POLG: variants seen among roughly 807,000 people sequenced by gnomAD.
The protein encoded by POLG is DNA polymerase gamma, catalytic subunit.
A neutral mutation model predicts 155.4 loss-of-function variants in POLG; 110 were observed. The observed-to-expected ratio is 0.71, with a 90% CI of 0.61 to 0.83. The LOEUF (loss-of-function observed/expected upper bound fraction) is 0.83. POLG is among the 40% of genes least tolerant of loss of function. The probability of loss-of-function intolerance (pLI) is 0.00; values close to 1 mark genes in which losing one functional copy is unlikely to be tolerated. For missense variants in POLG, 1,685 were observed against 1,627.5 expected (o/e 1.04, Z -0.61); for synonymous variants, 701 against 631.5 (o/e 1.11, Z -1.65).
At chr15:89,326,192 T>C (rs943812718) in intron 9 of POLG, among the ~76,000 whole-genome samples, 1 of 152,190 alleles carries the variant, frequency 6.6e-6, no homozygotes, top group African/African-American at 2.4e-5. Flanking sequence ...TTCTCATCTC[T>C]GCCACCCTAT....
intron 3 of POLG, 146 bp from the exon 4 acceptor site, chr15:89,329,256 A>G: frequency 2.9e-6 from 2 of 694,314 alleles, no homozygotes; most frequent in South Asian, 3.3e-5. Flanking sequence ...TCAACACCAA[A>G]TACAGAATCC....
At chr15:89,326,484 CTG>C in intron 9 of POLG, 126 bp downstream of exon 9, 1 of 1,042,754 alleles carries the variant, frequency 9.6e-7, no homozygotes, top group Non-Finnish European at 1.4e-6. Context: ...GACAGTGTGA[CTG>C]AATGGCAGCA....
intron 4 of POLG, 55 bp from the exon 5 acceptor site, chr15:89,328,886 G>A (rs2055558155): frequency 6.2e-7 from 1 of 1,613,890 alleles, no homozygotes; most frequent in Non-Finnish European, 8.5e-7. Context: ...GGCCAGACGG[G>A]CTGGTGAGAG....
rs1200876555 is a variant in POLG, at chr15:89,334,792, C to G, written c.-279G>C. ...AGCGTGTGGCCTCCACCCGGCCGGT[C>G]CGCTTCGCTGGCAGCCGCAACTTCC... is the stretch of plus-strand genomic sequence containing the variant. On this transcript the variant is annotated 5_prime_UTR_variant, in exon 1 of 23. Transcript: ENST00000268124. 1 of 152,342 alleles carries G rather than the reference C, an allele frequency of 6.6e-6. No homozygotes were observed. 9.4% of individuals were successfully genotyped at this position (152,342 alleles called of 1,614,324 possible).
intron 18 of POLG, among the ~76,000 whole-genome samples, chr15:89,320,150 C>G (rs924517340): frequency 6.6e-6 from 1 of 152,154 alleles, no homozygotes; most frequent in Non-Finnish European, 1.5e-5. Flanking sequence ...TAGTTGTTGA[C>G]GAGAAAGTGA....
In POLG at chr15:89,325,147, T is replaced by A. The variant is rs201797552; in HGVS notation, c.1949+303A>T. Among the ~76,000 whole-genome samples, 55 of 20,610 alleles carry A rather than the reference T, an allele frequency of 2.7e-3. 1 individual carries two copies. Among genetic ancestry groups the A allele is most frequent in the South Asian group, 6.7e-3 (3 of 450 alleles). 13.5% of individuals were successfully genotyped at this position (20,610 alleles called of 152,430 possible). A position where few individuals can be genotyped will look rare whatever the true frequency, so the allele number is the denominator to read the frequency against. ...GTGAGTGAGAGAGTGAGTGAGAGAG[T>A]GAGTGAGTGAGTGAGTGAGTGAGAG... On this transcript the variant is annotated intron_variant, in intron 10 of 22. Transcript: ENST00000268124.
At chr15:89,325,155 T>TGAGTGAGA (rs2055478865) in intron 10 of POLG, among the ~76,000 whole-genome samples, 2 of 43,934 alleles carry the variant, frequency 4.6e-5, no homozygotes, top group East Asian at 5.7e-4. Flanking sequence ...AGTGAGTGAG[T>TGAGTGAGA]GAGTGAGTGA....
intron 10 of POLG, among the ~76,000 whole-genome samples, 187 bp downstream of exon 10, chr15:89,325,251 AGAGAGAGTGAGT>A (rs1252585172): frequency 1.3e-5 from 1 of 79,672 alleles, no homozygotes; most frequent in African/African-American, 1.1e-4. Context: ...AGTGAGTGAG[AGAGAGAGTGAGT>A]GAGTGAGTGA....
At chr15:89,317,611 C>A in intron 21 of POLG, 75 bp from the exon 22 acceptor site, 1 of 1,429,756 alleles carries the variant, frequency 7.0e-7, no homozygotes, top group South Asian at 1.1e-5. Context: ...AGCAATGACC[C>A]CACACCCCTT....
intron 9 of POLG, among the ~76,000 whole-genome samples, chr15:89,326,315 GCTC>G (rs1169439886): frequency 6.6e-6 from 1 of 152,196 alleles, no homozygotes; most frequent in Admixed American, 6.5e-5. Context: ...TACGTGCCTG[GCTC>G]CTCCTAGGAA....
Position 89,321,320 on chromosome 15 carries a change from T to C in POLG, c.2599-60A>G. ...TCCTACCCCATTCCTGGAGCCAGAGTTGACTGAGAAAGAGCTAGAGCCTTT... is the reference window on the plus strand; with the variant it reads ...TCCTACCCCATTCCTGGAGCCAGAGCTGACTGAGAAAGAGCTAGAGCCTTT... On this transcript the variant is annotated intron_variant, in intron 16 of 22. Transcript: ENST00000268124. The C allele has an allele frequency of 3.1e-6, 5 of 1,592,998 alleles. No homozygotes were observed. In the South Asian group the frequency reaches 5.6e-5, roughly 18 times the overall value.
rs759840237 is a variant in POLG, at chr15:89,325,601, G to C, written c.1798C>G (p.Pro600Ala). ...TCCCAGGTAAGTGCCATGAGTTTAG[G>C]TGTGACCCGCATCTGCAGGCTGAGG... ...SLLSLQMRVT[P>A]KLMALTWDGF... Residue 600 changes from proline to alanine, a missense_variant, in exon 10 of 23, where the codon CCT (proline) becomes GCT (alanine). Pro to Ala is a conservative substitution (Grantham distance 27, BLOSUM62 -1). This residue lies in a region of POLG where 1,210 missense variants were observed against 1,167.1 expected (regional missense o/e 1.04). Transcript: ENST00000268124. 1 of 1,613,804 alleles carries C rather than the reference G, an allele frequency of 6.2e-7. No homozygotes were observed. Among genetic ancestry groups the C allele is most frequent in the Non-Finnish European group, 8.5e-7 (1 of 1,180,008 alleles).
chr15:89,333,596 T>C lies in POLG; in HGVS notation c.159A>G (p.Gln53=), dbSNP rs587781118. 4.2e-5 allele frequency: 67 copies of C among 1,597,996 alleles called. No individual in the cohort carries two copies. Among genetic ancestry groups the C allele is most frequent in the Admixed American group, 1.2e-4 (7 of 59,142 alleles). The stretch of plus-strand genomic sequence containing the variant: ...GCACTTGCGGCTGCTGAGGCTGCTG[T>C]TGCTGCTGCTGCTGCTGCTGCTGCT... ...QQQQQQQQQQ[Q]QQPQQPQVLS... The change falls in exon 2 of 23, where the codon CAA becomes CAG. Residue 53 remains glutamine, a synonymous_variant. Coordinates refer to ENST00000268124, the MANE Select transcript of POLG (RefSeq NM_002693.3).
At chr15:89,323,663 G>A in intron 12 of POLG, 152 bp from the exon 13 acceptor site, 1 of 819,372 alleles carries the variant, frequency 1.2e-6, no homozygotes, top group Non-Finnish European at 2.1e-6. Context: ...CTTTCTCCTT[G>A]CTCCAACACG....
At chr15:89,322,719 G>GGA (rs1329385089) in intron 14 of POLG, 23 bp downstream of exon 14, 1 of 1,611,878 alleles carries the variant, frequency 6.2e-7, no homozygotes, top group African/African-American at 1.3e-5. Context: ...AGGCATCCCA[G>GGA]GACTCCTCCC....
In POLG at chr15:89,321,760, T is replaced by C. The variant is rs773617892; in HGVS notation, c.2574A>G (p.Thr858=). 5 of 1,613,712 alleles carry C rather than the reference T, an allele frequency of 3.1e-6. No individual in the cohort carries two copies. Among genetic ancestry groups the C allele is most frequent in the Non-Finnish European group, 4.2e-6 (5 of 1,179,682 alleles). The part of the protein sequence containing the change: ...GTITRRAVEP[T]WLTASNARPD... ...CCCGGGCATTGCTGGCGGTGAGCCA[T>C]GTGGGCTCCACAGCCCGGCGAGTGA... Residue 858 remains threonine (T), a synonymous_variant, in exon 16 of 23, where the codon ACA becomes ACG. Transcript: ENST00000268124.
At chr15:89,329,480 C>T (rs1158507851) in intron 3 of POLG, among the ~76,000 whole-genome samples, 1 of 152,194 alleles carries the variant, frequency 6.6e-6, no homozygotes, top group Non-Finnish European at 1.5e-5. Flanking sequence ...AGCTCTGTGG[C>T]CCTGAGCATG....
Position 89,327,330 on chromosome 15 carries a change from G to C in POLG, c.1270C>G (p.Leu424Val), listed in dbSNP as rs2055536253. Residue 424 changes from leucine to valine, a missense_variant, in exon 7 of 23, where the codon CTG becomes GTG. Coordinates refer to ENST00000268124, the MANE Select transcript of POLG (RefSeq NM_002693.3). Reference sequence around the variant, plus strand: ...ACACCCATCTCCAGCATGCCGGCCAGAGTCACTGGGTGGGGACACCTTGGA... The same window carrying C: ...ACACCCATCTCCAGCATGCCGGCCACAGTCACTGGGTGGGGACACCTTGGA... ...FLERCPHPVT[L>V]AGMLEMGVSY... The C allele has an allele frequency of 1.9e-6, 3 of 1,613,800 alleles. No homozygotes were observed. Among genetic ancestry groups the C allele is most frequent in the African/African-American group, 1.3e-5 (1 of 75,066 alleles).
Position 89,324,185 on chromosome 15 carries a change from C to A in POLG, c.1992G>T (p.Gly664=). The change falls in exon 11 of 23, where the codon GGG becomes GGT. Residue 664 remains glycine (G), a synonymous_variant. Coordinates refer to ENST00000268124, the MANE Select transcript of POLG (RefSeq NM_002693.3). ...SLYRKHCLEQ[G]KQQLMPQEAG... is the part of the protein sequence containing the mutation. The stretch of plus-strand genomic sequence containing the variant: ...CCTCCTGGGGCATCAGCTGCTGCTT[C>A]CCCTGTTCGAGACAGTGCTTCCTGT... The A allele has an allele frequency of 6.2e-7, 1 of 1,613,716 alleles. No homozygotes were observed. Among genetic ancestry groups the A allele is most frequent in the East Asian group, 2.2e-5 (1 of 44,884 alleles).
Sources: allele counts gnomAD v4.1 joint callset (sites outside exome capture counted in the v4.1 genomes callset), GRCh38; gene constraint gnomAD v4.1.1; regional missense constraint gnomAD v4.1.1; transcripts MANE v1.5; gene names NCBI Gene and HGNC (gene_info 2026-07-23, HGNC 2026-07-21).